Variants in DYM observed in about 807,000 individuals in gnomAD.
DYM encodes dymeclin.
A neutral mutation model predicts 93.1 loss-of-function variants in DYM; 78 were observed. The observed-to-expected ratio is 0.84, with a 90% CI of 0.70 to 1.01. The LOEUF is 1.01. Among genes scored for constraint, DYM ranks in the 50% least tolerant of loss-of-function variants. DYM has a pLI of 0.00. For synonymous variants in DYM, 321 were observed against 319.7 expected (o/e 1.00, Z -0.04); for missense variants, 789 against 845.0 (o/e 0.93, Z 0.82).
Position 49,378,672 on chromosome 18 carries a change from C to T in DYM, c.316G>A (p.Ala106Thr), listed in dbSNP as rs150635814. The change falls in exon 5 of 18, where the codon GCT becomes ACT. Residue 106 changes from alanine to threonine, a missense_variant. Physicochemically the swap from Ala to Thr is moderately conservative, Grantham distance 58. This residue lies in a region of DYM where 450 missense variants were observed against 436.2 expected (regional missense o/e 1.03). Coordinates refer to ENST00000675505, the MANE Select transcript of DYM (RefSeq NM_001353214.3). ...NHIFIWQTHN[A>T]LFIICCLLKV... ...AGCAAACAGCAAATAATAAACAAAG[C>T]ATTGTGTGTCTGCCAAATGAAGATG... 1.7e-5 allele frequency: 27 copies of T among 1,613,126 alleles called. No homozygotes were observed. In the African/African-American group the frequency reaches 3.5e-4, roughly 21 times the overall value.
chr18:49,350,263 A>C (rs763380505), intron 6 of DYM, among the ~76,000 whole-genome samples: 28 of 152,356 alleles, frequency 1.8e-4, no homozygotes, highest in African/African-American at 2.6e-4. Flanking sequence ...AATTTTCATA[A>C]GATACTGATT....
chr18:49,126,134 G>C (rs2143877923), intron 15 of DYM: 1 of 152,218 alleles, frequency 6.6e-6, no homozygotes, highest in Admixed American at 6.5e-5. Flanking sequence ...ACAGTTCTCT[G>C]CTAACCACTA....
intron 2 of DYM, among the ~76,000 whole-genome samples, chr18:49,395,808 C>T (rs1313682523): frequency 1.3e-5 from 2 of 152,130 alleles, no homozygotes; most frequent in African/African-American, 4.8e-5. Context: ...GAAAGGGAAA[C>T]TCTCATACAA....
Position 49,037,053 on chromosome 18 carries a change from C to G in DYM, c.*7002G>C, listed in dbSNP as rs1379000929. Among the ~76,000 whole-genome samples the G allele has an allele frequency of 6.6e-6, 1 of 152,116 alleles. No homozygotes were observed. The highest frequency in any genetic ancestry group is 1.5e-5 in the Non-Finnish European group (1 of 68,016). ...CGTAGCTGGGACTACAGATGCCCAC[C>G]ACCACGCCCAGCTAATTTTTGTATT... On this transcript the variant is annotated 3_prime_UTR_variant, in exon 18 of 18. Coordinates refer to ENST00000675505, the MANE Select transcript of DYM (RefSeq NM_001353214.3).
chr18:49,311,623 A>G (rs557114252), intron 8 of DYM, among the ~76,000 whole-genome samples: 22 of 151,606 alleles, frequency 1.5e-4, no homozygotes, highest in African/African-American at 4.8e-4. Context: ...AAACCATCAC[A>G]AGGACAGAAA....
At chr18:49,056,933 C>T (rs1252689864) in intron 17 of DYM, among the ~76,000 whole-genome samples, 1 of 152,216 alleles carries the variant, frequency 6.6e-6, no homozygotes, top group Non-Finnish European at 1.5e-5. Flanking sequence ...CTCAAGAGAT[C>T]TGTTGCCCAT....
intron 13 of DYM, among the ~76,000 whole-genome samples, chr18:49,218,630 C>A (rs1157715147): frequency 6.6e-6 from 1 of 152,092 alleles, no homozygotes; most frequent in Non-Finnish European, 1.5e-5. Flanking sequence ...TACATGGAAA[C>A]TGAACAACCT....
chr18:49,334,718 T>C (rs1044889655), intron 6 of DYM, among the ~76,000 whole-genome samples: 2 of 152,220 alleles, frequency 1.3e-5, no homozygotes, highest in Admixed American at 6.5e-5. Context: ...CCTACTTAAA[T>C]GAAAGCTCAT....
At chr18:49,390,189 AAGGTAGG>A (rs1233288942) in intron 3 of DYM, among the ~76,000 whole-genome samples, 1 of 152,204 alleles carries the variant, frequency 6.6e-6, no homozygotes, top group African/African-American at 2.4e-5. Flanking sequence ...TTGGGGGTCC[AAGGTAGG>A]AGGAGGAAGG....
At chr18:49,155,002 T>C (rs2086237477) in intron 15 of DYM, among the ~76,000 whole-genome samples, 1 of 152,240 alleles carries the variant, frequency 6.6e-6, no homozygotes, top group Non-Finnish European at 1.5e-5. Context: ...TCTTTTCATA[T>C]AAACCCATGT....
In DYM at chr18:49,209,336, C is replaced by T. The variant is rs999285440; in HGVS notation, c.1625+215G>A. ...ATATAGACAACTCTGTGGTTGAAAG[C>T]TTTCCTCTCTCCCGTGAAACATAAT... On this transcript the variant is annotated intron_variant, in intron 14 of 17. Transcript: ENST00000675505. Among the ~76,000 whole-genome samples the T allele has an allele frequency of 1.9e-4, 29 of 152,180 alleles. 1 individual carries two copies. Among genetic ancestry groups the T allele is most frequent in the Admixed American group, 1.9e-3 (29 of 15,270 alleles).
At chr18:49,150,730 A>G (rs1025256905) in intron 15 of DYM, among the ~76,000 whole-genome samples, 3 of 152,226 alleles carry the variant, frequency 2.0e-5, no homozygotes, top group African/African-American at 7.2e-5. Context: ...TGCCTATTAA[A>G]GGACAAAGGA....
At chr18:49,116,594 A>G (rs1034403725) in intron 16 of DYM, 1 of 152,208 alleles carries the variant, frequency 6.6e-6, no homozygotes, top group African/African-American at 2.4e-5. Context: ...GGAATGGATA[A>G]AGGCCCTGCT....
intron 15 of DYM, among the ~76,000 whole-genome samples, chr18:49,119,757 G>A (rs2082213373): frequency 6.6e-6 from 1 of 152,108 alleles, no homozygotes; most frequent in Non-Finnish European, 1.5e-5. Flanking sequence ...ATAATGTAAT[G>A]TCTAGAGCAA....
At chr18:49,213,365 C>T (rs2092880466) in intron 13 of DYM, among the ~76,000 whole-genome samples, 2 of 149,264 alleles carry the variant, frequency 1.3e-5, no homozygotes, top group South Asian at 4.2e-4. Context: ...GGCATGATCT[C>T]GGCTCACTGC....
At chr18:49,214,159 T>A (rs1178531486) in intron 13 of DYM, among the ~76,000 whole-genome samples, 1 of 152,080 alleles carries the variant, frequency 6.6e-6, no homozygotes, top group Admixed American at 6.5e-5. Flanking sequence ...AGGGTTCCCA[T>A]CCCCCATTCT....
intron 8 of DYM, among the ~76,000 whole-genome samples, chr18:49,318,696 ATTATCTTGAAAAG>A (rs2062203543): frequency 6.6e-6 from 1 of 152,116 alleles, no homozygotes; most frequent in East Asian, 1.9e-4. Flanking sequence ...TATTTAAGAA[ATTATCTTGAAAAG>A]TAAGTGATAA....
At chr18:49,278,837 A>T (rs1370933627) in intron 10 of DYM, among the ~76,000 whole-genome samples, 1 of 152,026 alleles carries the variant, frequency 6.6e-6, no homozygotes, top group Non-Finnish European at 1.5e-5. Context: ...AAAAGCACAA[A>T]TTTTTCATTT....
chr18:49,063,885 T>C (rs1054615325), intron 17 of DYM, among the ~76,000 whole-genome samples: 3 of 152,156 alleles, frequency 2.0e-5, no homozygotes, highest in Non-Finnish European at 2.9e-5. Flanking sequence ...TGACTTGGCC[T>C]TCCAAAGTGC....
Sources: gnomAD v4.1 joint callset for allele counts (sites outside exome capture counted in the v4.1 genomes callset) on GRCh38, gnomAD v4.1.1 for gene constraint, gnomAD v4.1.1 regional missense constraint, MANE v1.5 for transcripts, NCBI Gene and HGNC (gene_info 2026-07-23, HGNC 2026-07-21) for gene names.